KAZN: variants seen among roughly 807,000 people sequenced by gnomAD.
The protein encoded by KAZN is kazrin.
KAZN carries 40 observed loss-of-function variants against 87.4 expected under a neutral mutation model. The observed-to-expected ratio is 0.46, with a 90% CI of 0.36 to 0.60. The LOEUF is 0.60. Ranked by LOEUF, KAZN falls within the 20% of genes least tolerant of loss-of-function variation. KAZN has a pLI of 0.00. For missense variants in KAZN, 898 were observed against 1,073.9 expected (o/e 0.84, Z 2.29); for synonymous variants, 466 against 458.3 (o/e 1.02, Z -0.22).
chr1:14,607,414 C>T (rs112716054), intron 1 of KAZN, among the ~76,000 whole-genome samples: 2,979 of 152,302 alleles, frequency 0.02, 85 homozygotes, highest in African/African-American at 0.064. Flanking sequence ...GACTGCCTGG[C>T]GTCTCCACCA....
intron 1 of KAZN, among the ~76,000 whole-genome samples, chr1:14,675,804 G>A (rs1185145842): frequency 6.6e-6 from 1 of 152,142 alleles, no homozygotes; most frequent in African/African-American, 2.4e-5. Context: ...GACTTTGGGG[G>A]AATAGCCAAG....
At chr1:14,986,766 T>A (rs10927616) in intron 2 of KAZN, among the ~76,000 whole-genome samples, 89,838 of 152,066 alleles carry the variant, frequency 0.59, 29,711 homozygotes, top group African/African-American at 0.9. Context: ...AGGGACTCTG[T>A]TGGAGCTCTG....
At chr1:14,515,275 G>A (rs778256383) in intron 2 of KAZN, among the ~76,000 whole-genome samples, 8 of 152,148 alleles carry the variant, frequency 5.3e-5, no homozygotes, top group Non-Finnish European at 1.0e-4. Context: ...TGAGAGGACC[G>A]TGAATTTAAG....
intron 1 of KAZN, among the ~76,000 whole-genome samples, chr1:14,127,661 G>A (rs1191197444): frequency 6.6e-6 from 1 of 152,170 alleles, no homozygotes; most frequent in Non-Finnish European, 1.5e-5. Flanking sequence ...GCTTTCACTT[G>A]ATTCTGGAGT....
intron 1 of KAZN, among the ~76,000 whole-genome samples, chr1:14,068,066 G>A (rs150692192): frequency 6.6e-6 from 1 of 152,146 alleles, no homozygotes; most frequent in Non-Finnish European, 1.5e-5. Context: ...TGGATTTAGG[G>A]GTAGGTGGAG....
At chr1:14,571,596 C>A (rs539681584) in intron 2 of KAZN, among the ~76,000 whole-genome samples, 1 of 152,252 alleles carries the variant, frequency 6.6e-6, no homozygotes, top group African/African-American at 2.4e-5. Flanking sequence ...TGGTCAGAGG[C>A]TAAGGAAACC....
chr1:14,102,952 A>G (rs898547801), intron 1 of KAZN, among the ~76,000 whole-genome samples: 5 of 148,484 alleles, frequency 3.4e-5, no homozygotes, highest in African/African-American at 1.3e-4. Context: ...TCTGTCACCC[A>G]GGCTGGAGTG....
In KAZN at chr1:14,002,722, G is replaced by A. The variant is rs551440582; in HGVS notation, c.91+108966G>A. 1.4e-4 allele frequency among the ~76,000 whole-genome samples: 21 copies of A among 152,320 alleles called. No individual in the cohort carries two copies. The East Asian group carries it at 3.5e-3, about 25-fold the overall frequency. On this transcript the variant is annotated intron_variant, in intron 1 of 16. Coordinates refer to the KAZN transcript ENST00000636203. ...AGAAATGATAGATGCTGGTGAGGCT[G>A]TGGAGAAATAGGAACGCTTTTACGC...
In KAZN at chr1:14,896,041, C is replaced by CTTTTTTTTTTTTTTTT. The variant is rs201188620; in HGVS notation, c.227-64627_227-64612dup. ...CAGTAAGTACAAATGAAAAAGACGC[C>CTTTTTTTTTTTTTTTT]TTTTTTTTTTTTTTTTTTTTTTTTT... On this transcript the variant is annotated intron_variant, in intron 1 of 14. Transcript: ENST00000376030. 1.5e-4 allele frequency among the ~76,000 whole-genome samples: 21 copies of CTTTTTTTTTTTTTTTT among 140,752 alleles called. 1 individual carries two copies. The highest frequency in any genetic ancestry group is 5.5e-4 in the African/African-American group (20 of 36,254). 92.3% of individuals were successfully genotyped at this position (140,752 alleles called of 152,430 possible).
intron 2 of KAZN, among the ~76,000 whole-genome samples, chr1:14,196,399 A>G (rs1309614829): frequency 6.6e-6 from 1 of 152,212 alleles, no homozygotes; most frequent in African/African-American, 2.4e-5. Flanking sequence ...GATATGAAAT[A>G]ATGTTACTTG....
intron 1 of KAZN, among the ~76,000 whole-genome samples, chr1:13,900,327 G>T (rs372026177): frequency 6.6e-6 from 1 of 152,050 alleles, no homozygotes; most frequent in African/African-American, 2.4e-5. Context: ...TCCTCCAGCA[G>T]CCCCTCCCTG....
intron 1 of KAZN, among the ~76,000 whole-genome samples, chr1:14,899,296 C>T (rs1405535020): frequency 2.6e-5 from 4 of 152,204 alleles, no homozygotes; most frequent in Non-Finnish European, 5.9e-5. Context: ...TGACGTGTCC[C>T]CTCTGGGCCC....
intron 2 of KAZN, among the ~76,000 whole-genome samples, chr1:14,480,686 A>G (rs1283281269): frequency 1.4e-5 from 2 of 145,692 alleles, no homozygotes; most frequent in African/African-American, 2.5e-5. Flanking sequence ...TATATATAAT[A>G]TATAAAATAT....
chr1:14,736,971 C>T (rs1422516146), intron 1 of KAZN, among the ~76,000 whole-genome samples: 1 of 152,116 alleles, frequency 6.6e-6, no homozygotes, highest in African/African-American at 2.4e-5. Flanking sequence ...AGCCGACTTT[C>T]TTATGAAAGA....
At chr1:14,091,073 C>G (rs968221946) in intron 1 of KAZN, among the ~76,000 whole-genome samples, 2 of 140,798 alleles carry the variant, frequency 1.4e-5, no homozygotes, top group African/African-American at 5.3e-5. Context: ...GATCATGTCA[C>G]TGCACTCCAG....
chr1:15,099,637 G>C lies in KAZN; in HGVS notation c.1548-1906G>C, dbSNP rs1481768892. Among the ~76,000 whole-genome samples the C allele has an allele frequency of 6.6e-6, 1 of 152,176 alleles. No individual in the cohort carries two copies. Among genetic ancestry groups the C allele is most frequent in the Non-Finnish European group, 1.5e-5 (1 of 68,022 alleles). ...GGGGAGGGGAAGTCAGCCAGGGCCA[G>C]TGCAGGTGACCCTTGTGGACCATTC... On this transcript the variant is annotated intron_variant, in intron 10 of 14. Coordinates refer to ENST00000376030, the MANE Select transcript of KAZN (RefSeq NM_201628.3). This position sits in a 1 kb window ranked among gnomAD's most constrained non-coding sequence, Gnocchi z 5.4.
chr1:14,155,377 T>A (rs1244166849), intron 1 of KAZN, among the ~76,000 whole-genome samples: 1 of 152,196 alleles, frequency 6.6e-6, no homozygotes, highest in African/African-American at 2.4e-5. Context: ...AGTTGTAACA[T>A]CTCCTTTTTA....
rs561438429 is a variant in KAZN at position 14,076,392 on chromosome 1, C to A, written c.92-104043C>A. 5.9e-5 allele frequency among the ~76,000 whole-genome samples: 9 copies of A among 152,218 alleles called. No homozygotes were observed. The East Asian group carries it at 1.5e-3, about 26-fold the overall frequency. ...GCCAAGGAGTGCTGAAGATTGCCAG[C>A]AAATGCCAGAAGATTGCCAGAAGCT... On this transcript the variant is annotated intron_variant, in intron 1 of 16. Transcript: ENST00000636203.
At chr1:14,657,838 GTGTTTGTT>G (rs113604542) in intron 1 of KAZN, among the ~76,000 whole-genome samples, 4 of 152,008 alleles carry the variant, frequency 2.6e-5, no homozygotes, top group African/African-American at 9.7e-5. Flanking sequence ...CCTGCTCCTA[GTGTTTGTT>G]TGTTTGTTTT....
Sources: allele counts gnomAD v4.1 joint callset (sites outside exome capture counted in the v4.1 genomes callset), GRCh38; gene constraint gnomAD v4.1.1; non-coding constraint Gnocchi (gnomAD v3.1); transcripts MANE v1.5; gene names NCBI Gene and HGNC (gene_info 2026-07-23, HGNC 2026-07-21).